FAF1: variants seen among roughly 807,000 people sequenced by gnomAD.
FAF1 encodes Fas associated factor 1, also known as FAS-associated factor 1.
Under a neutral mutation model 92.5 loss-of-function variants are expected in FAF1, and 25 were observed. The observed-to-expected ratio is 0.27, with a 90% confidence interval of 0.20 to 0.38. FAF1 has a LOEUF of 0.38. FAF1 is among the 10% of genes least tolerant of loss of function. The pLI is 1.00. For synonymous variants in FAF1, 234 were observed against 273.2 expected (o/e 0.86, Z 1.42); for missense variants, 636 against 793.3 (o/e 0.80, Z 2.38).
At chr1:50,819,748 TATAC>T (rs1348908319) in intron 2 of FAF1, among the ~76,000 whole-genome samples, 1 of 69,352 alleles carries the variant, frequency 1.4e-5, no homozygotes, top group Non-Finnish European at 3.2e-5. Context: ...TACATATATA[TATAC>T]ATATATATAT....
At chr1:50,884,539 A>T (rs1337209481) in intron 1 of FAF1, among the ~76,000 whole-genome samples, 97 of 149,836 alleles carry the variant, frequency 6.5e-4, no homozygotes, top group South Asian at 1.0e-3. Flanking sequence ...AAAAAAAAAA[A>T]TTTTTTTTCT....
At chr1:50,507,063 G>A (rs1190658084) in intron 15 of FAF1, among the ~76,000 whole-genome samples, 3 of 152,306 alleles carry the variant, frequency 2.0e-5, no homozygotes, top group East Asian at 3.9e-4. Flanking sequence ...GGAGTGTCAG[G>A]TTATTCCAGG....
chr1:50,950,552 T>C (rs138098116), intron 1 of FAF1, among the ~76,000 whole-genome samples: 1 of 152,318 alleles, frequency 6.6e-6, no homozygotes, highest in East Asian at 1.9e-4. Flanking sequence ...AATCCTTATT[T>C]ATAAAAACAG....
At chr1:50,599,092 G>A (rs1173629103) in intron 8 of FAF1, among the ~76,000 whole-genome samples, 1 of 152,090 alleles carries the variant, frequency 6.6e-6, no homozygotes, top group East Asian at 1.9e-4. Context: ...AATGGCATTA[G>A]ACTTTTTCAC....
intron 8 of FAF1, among the ~76,000 whole-genome samples, chr1:50,614,827 G>A (rs924053628): frequency 1.2e-4 from 13 of 111,352 alleles, no homozygotes; most frequent in East Asian, 5.1e-4. Flanking sequence ...CCGCAACAGC[G>A]AAACTCCGTC....
At chr1:50,942,152 A>G (rs924310699) in intron 1 of FAF1, among the ~76,000 whole-genome samples, 10 of 152,256 alleles carry the variant, frequency 6.6e-5, no homozygotes, top group African/African-American at 2.4e-4. Flanking sequence ...TAGATGGCAT[A>G]TAACAATTAG....
rs571309887 is a variant in FAF1 at position 50,751,878 on chromosome 1, G to T, written c.368-7103C>A. Among the ~76,000 whole-genome samples the T allele has an allele frequency of 2.6e-5, 4 of 152,156 alleles. No homozygotes were observed. The South Asian group carries it at 8.3e-4, about 32-fold the overall frequency. On this transcript the variant is annotated intron_variant, in intron 4 of 18. Coordinates refer to ENST00000396153, the MANE Select transcript of FAF1 (RefSeq NM_007051.3). ...AATGTTTCATCTCTCTCTTTTTTGC[G>T]AAGGACTGGTAATAGTTCTTCCTTA...
At chr1:50,906,432 T>C (rs1001736695) in intron 1 of FAF1, among the ~76,000 whole-genome samples, 80 of 152,188 alleles carry the variant, frequency 5.3e-4, no homozygotes, top group Non-Finnish European at 7.5e-4. Flanking sequence ...ATTGGTGGCT[T>C]GATGGGGATG....
intron 13 of FAF1, among the ~76,000 whole-genome samples, chr1:50,548,792 T>G (rs1280137018): frequency 1.3e-5 from 2 of 152,212 alleles, no homozygotes; most frequent in African/African-American, 2.4e-5. Context: ...TTAGAGAAAT[T>G]AGGAATTGCT....
chr1:50,635,325 A>C (rs12073110), intron 8 of FAF1, among the ~76,000 whole-genome samples: 3,028 of 152,334 alleles, frequency 0.02, 97 homozygotes, highest in African/African-American at 0.07. Context: ...GAAGACAAAG[A>C]AAAACTCAGC....
rs191934420 is a variant in FAF1, at chr1:50,844,619, T to A, written c.114+13310A>T. ...TTTTCATCCCACAGCAGTGTCAACA[T>A]AATGATGGAGCCAAGAAACTGATTC... On this transcript the variant is annotated intron_variant, in intron 2 of 18. Transcript: ENST00000396153. 2.0e-5 allele frequency among the ~76,000 whole-genome samples: 3 copies of A among 151,346 alleles called. No homozygotes were observed. In the Admixed American group the frequency reaches 2.0e-4, roughly 10 times the overall value.
chr1:50,787,104 A>C (rs1661390279), intron 4 of FAF1, among the ~76,000 whole-genome samples: 1 of 152,252 alleles, frequency 6.6e-6, no homozygotes, highest in Non-Finnish European at 1.5e-5. Flanking sequence ...GGATCAGATA[A>C]TCTGAATCAA....
At chr1:50,617,254 C>T (rs1314244422) in intron 8 of FAF1, among the ~76,000 whole-genome samples, 1 of 152,100 alleles carries the variant, frequency 6.6e-6, no homozygotes, top group African/African-American at 2.4e-5. Flanking sequence ...TTTGTCCATT[C>T]AGTATAATGT....
At chr1:50,785,984 A>G (rs1222190916) in intron 4 of FAF1, among the ~76,000 whole-genome samples, 2 of 152,014 alleles carry the variant, frequency 1.3e-5, no homozygotes, top group African/African-American at 4.8e-5. Context: ...AAAAAAAAAA[A>G]TTAGCCAGTC....
At chr1:50,757,437 G>C (rs1048464055) in intron 4 of FAF1, among the ~76,000 whole-genome samples, 1 of 152,086 alleles carries the variant, frequency 6.6e-6, no homozygotes, top group African/African-American at 2.4e-5. Context: ...TCTGTTATTA[G>C]ATATATACAC....
chr1:50,853,386 G>A (rs1312728737), intron 2 of FAF1, among the ~76,000 whole-genome samples: 1 of 151,992 alleles, frequency 6.6e-6, no homozygotes, highest in Non-Finnish European at 1.5e-5. Context: ...GCTTCTATTA[G>A]TACAAAATTA....
intron 4 of FAF1, among the ~76,000 whole-genome samples, chr1:50,781,983 T>C (rs1413873301): frequency 6.6e-6 from 1 of 152,162 alleles, no homozygotes; most frequent in African/African-American, 2.4e-5. Context: ...CACTGTAACA[T>C]TGTAGCACAA....
intron 8 of FAF1, among the ~76,000 whole-genome samples, chr1:50,654,109 T>C (rs1654999473): frequency 6.6e-6 from 1 of 152,244 alleles, no homozygotes; most frequent in Non-Finnish European, 1.5e-5. Flanking sequence ...CTTAAAACTT[T>C]TCTGTCTTCC....
intron 6 of FAF1, among the ~76,000 whole-genome samples, chr1:50,728,937 T>C (rs977793968): frequency 5.4e-5 from 8 of 149,442 alleles, no homozygotes; most frequent in Non-Finnish European, 1.0e-4. Context: ...TGTTTGAAGA[T>C]AGTAGAATAG....
Sources: allele counts gnomAD v4.1 joint callset (sites outside exome capture counted in the v4.1 genomes callset), GRCh38; gene constraint gnomAD v4.1.1; transcripts MANE v1.5; gene names NCBI Gene and HGNC (gene_info 2026-07-23, HGNC 2026-07-21).